The following KIAA1755 variants were observed in gnomAD, a reference collection of about 807,000 sequenced individuals.
The protein encoded by KIAA1755 is uncharacterized protein KIAA1755.
KIAA1755 carries 68 observed loss-of-function variants against 91.7 expected under a neutral mutation model. That is an observed-to-expected ratio of 0.74 (90% CI 0.61 to 0.91). The LOEUF is 0.91. KIAA1755 is among the 40% of genes least tolerant of loss of function. The probability of loss-of-function intolerance (pLI) is 0.00; values close to 1 mark genes in which losing one functional copy is unlikely to be tolerated. For synonymous variants in KIAA1755, 610 were observed against 604.6 expected, an observed-to-expected ratio of 1.01 and a Z score of -0.13; for missense variants, 1,535 against 1,494.4, an observed-to-expected ratio of 1.03 and a Z score of -0.45.
intron 3 of KIAA1755, 151 bp downstream of exon 3, chr20:38,240,431 C>T: frequency 1.4e-6 from 1 of 706,590 alleles, no homozygotes; most frequent in Non-Finnish European, 2.1e-6. Flanking sequence ...ACACATGAGA[C>T]TTCAAGCCCC....
intron 12 of KIAA1755, chr20:38,217,834 C>T (rs774880857): frequency 1.9e-4 from 81 of 420,370 alleles, no homozygotes; most frequent in East Asian, 2.6e-4. Context: ...TGTTTGTCCC[C>T]GCCCCCGCCC....
intron 8 of KIAA1755, among the ~76,000 whole-genome samples, chr20:38,224,098 C>G (rs1477404052): frequency 2.0e-5 from 3 of 152,192 alleles, no homozygotes; most frequent in African/African-American, 7.2e-5. Flanking sequence ...AGTTACTTAA[C>G]CTCTCTGTGT....
intron 1 of KIAA1755, among the ~76,000 whole-genome samples, chr20:38,255,771 G>A (rs893630204): frequency 1.3e-5 from 2 of 152,154 alleles, no homozygotes; most frequent in African/African-American, 2.4e-5. Context: ...GCAGTGAGCC[G>A]AGAAGCAAGT....
rs2076433410 is a variant in KIAA1755, at chr20:38,260,663, C to T, written c.-163G>A. On this transcript the variant is annotated 5_prime_UTR_variant, in exon 1 of 14. Transcript: ENST00000279024. ...CGACCCCGGCGTCATCTCGGAGGAGCGGCCGGGGAGGACAGGGAGAGAGAC... is the reference window on the plus strand; with the variant it reads ...CGACCCCGGCGTCATCTCGGAGGAGTGGCCGGGGAGGACAGGGAGAGAGAC... The T allele has an allele frequency of 2.7e-6, 2 of 739,912 alleles. No individual in the cohort carries two copies. The highest frequency in any genetic ancestry group is 3.3e-5 in the East Asian group (1 of 30,606). The allele number at this position is 739,912 out of a possible 1,614,324, so 45.8% of individuals were successfully genotyped here.
At position 38,227,183 on chromosome 20, in the gene KIAA1755, G is replaced by A; in HGVS notation, c.2023C>T (p.Leu675Phe). The A allele has an allele frequency of 6.2e-7, 1 of 1,614,000 alleles. No individual in the cohort carries two copies. Among genetic ancestry groups the A allele is most frequent in the South Asian group, 1.1e-5 (1 of 91,058 alleles). Residue 675 changes from leucine (L) to phenylalanine (F), a missense_variant, in exon 7 of 14, where the codon CTC (leucine) becomes TTC (phenylalanine). Physicochemically the swap from Leu to Phe is conservative, Grantham distance 22. Coordinates refer to ENST00000279024, the MANE Select transcript of KIAA1755 (RefSeq NM_001029864.2). ...ILFLGEKEAA[L>F]QLQTLPDVQV... ...ACGTCAGGTAATGTCTGCAGCTGGA[G>A]AGCCGCCTCCTTCTCCCCCAGGAAG...
At chr20:38,249,268 A>C (rs973853967) in intron 1 of KIAA1755, among the ~76,000 whole-genome samples, 5 of 152,140 alleles carry the variant, frequency 3.3e-5, no homozygotes, top group African/African-American at 1.2e-4. Flanking sequence ...CATGAGCCTC[A>C]CGGGGGCCCT....
chr20:38,229,550 C>G (rs749768373), intron 5 of KIAA1755, among the ~76,000 whole-genome samples: 1 of 152,164 alleles, frequency 6.6e-6, no homozygotes, highest in African/African-American at 2.4e-5. Flanking sequence ...AGTCAGGGCC[C>G]GGTGTGAGGT....
intron 1 of KIAA1755, among the ~76,000 whole-genome samples, chr20:38,247,908 G>A (rs2076184680): frequency 6.6e-6 from 1 of 152,194 alleles, no homozygotes; most frequent in African/African-American, 2.4e-5. Flanking sequence ...GGGCAACATA[G>A]TGAGATCCCA....
rs541298282 is a variant in KIAA1755, at chr20:38,240,990, G to C, written c.1141C>G (p.Leu381Val). 19 of 1,614,208 alleles carry C rather than the reference G, an allele frequency of 1.2e-5. No homozygotes were observed. In the South Asian group the frequency reaches 2.0e-4, roughly 17 times the overall value. ...GCCCTGAGACCAGAGGCACAGTCCA[G>C]TGCGTCCTCAAGGACATTCATGTAG... ...GSYMNVLEDALDCASGLRAGV... is the reference protein window; with the variant it reads ...GSYMNVLEDAVDCASGLRAGV... The change falls in exon 3 of 14, where the codon CTG becomes GTG. Residue 381 changes from leucine to valine, a missense_variant. Leu to Val is a conservative substitution (Grantham distance 32). Transcript: ENST00000279024.
At chr20:38,216,939 T>C (rs1378622615) in intron 13 of KIAA1755, 4 of 610,236 alleles carry the variant, frequency 6.6e-6, no homozygotes, top group African/African-American at 3.6e-5. Flanking sequence ...TGTCACGGGG[T>C]ACCACAGACA....
intron 13 of KIAA1755, among the ~76,000 whole-genome samples, 153 bp from the exon 14 acceptor site, chr20:38,213,896 G>A (rs1276831041): frequency 6.6e-6 from 1 of 151,946 alleles, no homozygotes; most frequent in African/African-American, 2.4e-5. Flanking sequence ...CTCTTCCCTG[G>A]GGTGCACACA....
In KIAA1755 at chr20:38,237,845, G is replaced by A. The variant is rs79904183; in HGVS notation, c.1747+1683C>T. On this transcript the variant is annotated intron_variant, in intron 4 of 13. Coordinates refer to ENST00000279024, the MANE Select transcript of KIAA1755 (RefSeq NM_001029864.2). ...GGGGATGCGATGGGGGGAGTCATGTGGGGAATGAGGACAAGATCACTAGAG... is the reference window on the plus strand; with the variant it reads ...GGGGATGCGATGGGGGGAGTCATGTAGGGAATGAGGACAAGATCACTAGAG... 6.1e-3 allele frequency among the ~76,000 whole-genome samples: 935 copies of A among 152,118 alleles called. 13 individuals are homozygous for A. Among genetic ancestry groups the A allele is most frequent in the East Asian group, 0.061 (314 of 5,166 alleles).
At position 38,228,023 on chromosome 20, in the gene KIAA1755, C is replaced by A. The variant is rs531662173; in HGVS notation, c.1965+124G>T. The A allele has an allele frequency of 4.0e-5, 23 of 570,744 alleles. No homozygotes were observed. The South Asian group carries it at 7.3e-4, about 18-fold the overall frequency. The allele number at this position is 570,744 out of a possible 1,614,324, so 35.4% of individuals were successfully genotyped here. ...TTAGGGCTGAGTTTTCTGTTGGCTGCAGTAAAAGTCCCTGCCTGAGAGTCC... is the reference window on the plus strand; with the variant it reads ...TTAGGGCTGAGTTTTCTGTTGGCTGAAGTAAAAGTCCCTGCCTGAGAGTCC... On this transcript the variant is annotated intron_variant, in intron 6 of 13. Coordinates refer to ENST00000279024, the MANE Select transcript of KIAA1755 (RefSeq NM_001029864.2).
chr20:38,240,811 C>T lies in KIAA1755; in HGVS notation c.1320G>A (p.Glu440=), dbSNP rs1463570207. The change falls in exon 3 of 14, where the codon GAG becomes GAA. Residue 440 remains glutamate (E), a synonymous_variant. Transcript: ENST00000279024. ...TCCCATTTCTCTCTTTGGTCTTCAC[C>T]TCTATCTTTGTTTCAGAGGCTGCAG... ...PAAAASETKI[E]VKTKERNGRL... 1.2e-6 allele frequency: 2 copies of T among 1,613,502 alleles called. No individual in the cohort carries two copies. The highest frequency in any genetic ancestry group is 1.7e-5 in the Admixed American group (1 of 59,918).
At chr20:38,232,576 C>T (rs1384451901) in intron 4 of KIAA1755, among the ~76,000 whole-genome samples, 2 of 149,120 alleles carry the variant, frequency 1.3e-5, no homozygotes, top group Non-Finnish European at 3.0e-5. Context: ...TGCAGTGAGC[C>T]GAGATCTCGC....
intron 1 of KIAA1755, among the ~76,000 whole-genome samples, chr20:38,250,500 G>C (rs1224120528): frequency 7.2e-6 from 1 of 138,102 alleles, no homozygotes; most frequent in Non-Finnish European, 1.6e-5. Context: ...GTGTGTGTGT[G>C]TGTGTGTGTG....
chr20:38,212,875 G>GT lies in KIAA1755; in HGVS notation c.*166_*167insA. 1 of 561,338 alleles carries GT rather than the reference G, an allele frequency of 1.8e-6. No homozygotes were observed. Among genetic ancestry groups the GT allele is most frequent in the Non-Finnish European group, 3.1e-6 (1 of 326,546 alleles). The allele number at this position is 561,338 out of a possible 1,614,324, so 34.8% of individuals were successfully genotyped here. A position where few individuals can be genotyped will look rare whatever the true frequency, so the allele number is the denominator to read the frequency against. ...GATCGGGTCTTCCAGGAGTTTTCTG[G>GT]AGCCAGGGGCAGGTCGACAGTTCTC... On this transcript the variant is annotated 3_prime_UTR_variant, in exon 14 of 14. Coordinates refer to ENST00000279024, the MANE Select transcript of KIAA1755 (RefSeq NM_001029864.2).
chr20:38,233,360 A>G (rs1343998946), intron 4 of KIAA1755: 1 of 152,218 alleles, frequency 6.6e-6, no homozygotes, highest in African/African-American at 2.4e-5. Context: ...TCATAATATA[A>G]AAGTCCAAAA....
At chr20:38,242,004 T>A (rs2076078051) in intron 2 of KIAA1755, 75 bp from the exon 3 acceptor site, 2 of 1,449,852 alleles carry the variant, frequency 1.4e-6, no homozygotes, top group Admixed American at 1.9e-5. Flanking sequence ...CCTTTCCCTC[T>A]CCCACGTGGA....
Sources: allele counts gnomAD v4.1 joint callset (sites outside exome capture counted in the v4.1 genomes callset), GRCh38; gene constraint gnomAD v4.1.1; transcripts MANE v1.5; gene names NCBI Gene and HGNC (gene_info 2026-07-23, HGNC 2026-07-21).